The following CEP170 variants were observed in gnomAD, a reference collection of about 807,000 sequenced individuals.
The protein encoded by CEP170 is centrosomal protein of 170 kDa.
Under a neutral mutation model 151.9 loss-of-function variants are expected in CEP170, and 21 were observed. The ratio of observed to expected loss-of-function variants is 0.14; its 90% CI spans 0.10 to 0.20. The LOEUF is 0.20. Among genes scored for constraint, CEP170 ranks in the 10% least tolerant of loss-of-function variants. CEP170 has a pLI of 1.00. For synonymous variants in CEP170, 356 were observed against 648.8 expected (o/e 0.55, Z 6.86); for missense variants, 964 against 1,892.9 (o/e 0.51, Z 9.11).
intron 13 of CEP170, among the ~76,000 whole-genome samples, chr1:243,162,980 A>G (rs1378207773): frequency 1.3e-5 from 2 of 151,998 alleles, no homozygotes; most frequent in East Asian, 1.9e-4. Context: ...AATGTTGTCT[A>G]TTTTTTTTGG....
intron 1 of CEP170, among the ~76,000 whole-genome samples, chr1:243,235,264 G>A (rs771952081): frequency 7.9e-5 from 12 of 152,132 alleles, no homozygotes; most frequent in Non-Finnish European, 1.2e-4. Flanking sequence ...TCTTCAGGCC[G>A]GGGTGGTCTA....
At chr1:243,206,585 A>G (rs2061435283) in intron 4 of CEP170, among the ~76,000 whole-genome samples, 1 of 152,238 alleles carries the variant, frequency 6.6e-6, no homozygotes, top group Non-Finnish European at 1.5e-5. Flanking sequence ...GGATCTGTAC[A>G]AAGGGATGAA....
chr1:243,252,401 G>A lies in CEP170; in HGVS notation c.-42+2639C>T, dbSNP rs573818471. On this transcript the variant is annotated intron_variant, in intron 1 of 19. Transcript: ENST00000366542. ...AATTTTGTGGAATAAAAAACATTTT[G>A]ACAAAAAAGCTTAAGCATATACAAT... Among the ~76,000 whole-genome samples, 61 of 152,062 alleles carry A rather than the reference G, an allele frequency of 4.0e-4. No homozygotes were observed. In the South Asian group the frequency reaches 5.0e-3, roughly 12 times the overall value.
intron 7 of CEP170, among the ~76,000 whole-genome samples, chr1:243,193,700 T>C (rs185479974): frequency 1.3e-5 from 2 of 152,022 alleles, no homozygotes; most frequent in East Asian, 3.9e-4. Flanking sequence ...AGTAGCACAA[T>C]AGAGTGGAAA....
rs199592501 is a variant in CEP170, at chr1:243,191,507, A to G, written c.632-13T>C. ...TCTATGCCGCACCCTAATGAGAAAA[A>G]TAAGAGAAAATTCAAAATATTTGAT... On this transcript the variant is annotated splice_polypyrimidine_tract_variant and intron_variant, in intron 7 of 19. Coordinates refer to ENST00000366542, the MANE Select transcript of CEP170 (RefSeq NM_014812.3). The G allele has an allele frequency of 0.01, 10,134 of 995,944 alleles. 92 individuals are homozygous for G. Among genetic ancestry groups the G allele is most frequent in the Non-Finnish European group, 0.011 (7,362 of 667,494 alleles). The allele number at this position is 995,944 out of a possible 1,614,324, so 61.7% of individuals were successfully genotyped here. A position where few individuals can be genotyped will look rare whatever the true frequency, so the allele number is the denominator to read the frequency against.
At chr1:243,253,448 A>C (rs1362656812) in intron 1 of CEP170, 1 of 152,258 alleles carries the variant, frequency 6.6e-6, no homozygotes, top group African/African-American at 2.4e-5. Flanking sequence ...TGGGCAGACA[A>C]GTCAGTTAAC....
chr1:243,228,234 A>G (rs2063458892), intron 1 of CEP170, among the ~76,000 whole-genome samples: 1 of 152,220 alleles, frequency 6.6e-6, no homozygotes, highest in Admixed American at 6.5e-5. Context: ...ATCATATGTT[A>G]TCTATACACA....
chr1:243,218,330 G>T (rs1285916092), intron 3 of CEP170, among the ~76,000 whole-genome samples: 1 of 152,238 alleles, frequency 6.6e-6, no homozygotes, highest in Admixed American at 6.5e-5. Context: ...TGGCACAGGA[G>T]GGGTAGGGCA....
intron 7 of CEP170, among the ~76,000 whole-genome samples, chr1:243,194,752 T>C (rs1431417719): frequency 2.0e-5 from 3 of 151,864 alleles, no homozygotes. Flanking sequence ...CATTCATCTA[T>C]CTTCAAAACT....
At chr1:243,207,196 G>A (rs1215227028) in intron 4 of CEP170, among the ~76,000 whole-genome samples, 2 of 151,974 alleles carry the variant, frequency 1.3e-5, no homozygotes, top group East Asian at 1.9e-4. Context: ...AAGACAAACA[G>A]GGTAAAAATT....
chr1:243,136,976 T>C (rs554166071), intron 16 of CEP170, among the ~76,000 whole-genome samples: 9 of 152,370 alleles, frequency 5.9e-5, no homozygotes, highest in East Asian at 1.9e-4. Context: ...TTGAGATGCA[T>C]GGGCAAAACC....
At chr1:243,173,306 C>T (rs1235234581) in intron 10 of CEP170, among the ~76,000 whole-genome samples, 2 of 151,568 alleles carry the variant, frequency 1.3e-5, no homozygotes, top group East Asian at 2.0e-4. Context: ...GTGATCTGCC[C>T]GCCTCGGCCT....
At position 243,242,155 on chromosome 1, in the gene CEP170, G is replaced by A. The variant is rs75132724; in HGVS notation, c.-42+12885C>T. On this transcript the variant is annotated intron_variant, in intron 1 of 19. Coordinates refer to ENST00000366542, the MANE Select transcript of CEP170 (RefSeq NM_014812.3). ...CATCTTGTTATATTTGAAGGGCAGA[G>A]GACGTTAATTTGGAATCGACCCAAT... is the stretch of plus-strand genomic sequence containing the variant. Among the ~76,000 whole-genome samples, 496 of 152,254 alleles carry A rather than the reference G, an allele frequency of 3.3e-3. 5 individuals carry two copies. Among genetic ancestry groups the A allele is most frequent in the African/African-American group, 0.011 (476 of 41,562 alleles).
intron 1 of CEP170, among the ~76,000 whole-genome samples, chr1:243,228,641 T>C (rs2149042838): frequency 6.6e-6 from 1 of 152,272 alleles, no homozygotes; most frequent in Admixed American, 6.5e-5. Context: ...CAAAACCCAA[T>C]ATTAAGACAT....
chr1:243,192,578 T>G (rs906510653), intron 7 of CEP170, among the ~76,000 whole-genome samples: 2 of 152,228 alleles, frequency 1.3e-5, no homozygotes, highest in Admixed American at 1.3e-4. Context: ...TTTAAACAGA[T>G]TAATAGAAAA....
At chr1:243,187,048 CACTCCAA>C (rs2059983214) in intron 8 of CEP170, among the ~76,000 whole-genome samples, 1 of 152,144 alleles carries the variant, frequency 6.6e-6, no homozygotes, top group Admixed American at 6.5e-5. Flanking sequence ...ACTGCATTTG[CACTCCAA>C]ACTCTAGTGG....
chr1:243,208,379 A>C (rs1272856556), intron 4 of CEP170, among the ~76,000 whole-genome samples: 5 of 151,872 alleles, frequency 3.3e-5, no homozygotes, highest in African/African-American at 1.2e-4. Flanking sequence ...AAAAACAAAA[A>C]CAAAAACGCC....
At chr1:243,199,619 C>G (rs1401944583) in intron 6 of CEP170, among the ~76,000 whole-genome samples, 2 of 152,108 alleles carry the variant, frequency 1.3e-5, no homozygotes, top group Non-Finnish European at 2.9e-5. Context: ...CTCATTAAGA[C>G]TAAATGTAAA....
intron 12 of CEP170, among the ~76,000 whole-genome samples, chr1:243,167,056 A>T (rs1379564068): frequency 6.6e-6 from 1 of 152,182 alleles, no homozygotes; most frequent in African/African-American, 2.4e-5. Flanking sequence ...TCACTTTTGT[A>T]ACTTTCCATC....
Sources: allele counts gnomAD v4.1 joint callset (sites outside exome capture counted in the v4.1 genomes callset), GRCh38; gene constraint gnomAD v4.1.1; transcripts MANE v1.5; gene names NCBI Gene and HGNC (gene_info 2026-07-23, HGNC 2026-07-21).